Variants in AUTS2 observed in about 807,000 individuals in gnomAD.
AUTS2 encodes activator of transcription and developmental regulator AUTS2.
In AUTS2, 17 loss-of-function variants were observed where a neutral mutation model predicts 112.4. The observed-to-expected ratio is 0.15, with a 90% CI of 0.10 to 0.23. The LOEUF is 0.23. AUTS2 is among the 10% of genes least tolerant of loss of function. AUTS2 has a pLI of 1.00. For missense variants in AUTS2, 1,510 were observed against 1,701.6 expected (o/e 0.89, Z 1.98); for synonymous variants, 751 against 702.7 (o/e 1.07, Z -1.09).
At chr7:70,644,048 G>A (rs563850865) in intron 5 of AUTS2, among the ~76,000 whole-genome samples, 1 of 152,248 alleles carries the variant, frequency 6.6e-6, no homozygotes, top group South Asian at 2.1e-4. Context: ...GAGGCTGCTG[G>A]TCTAGACGAC....
At chr7:70,543,533 A>G (rs1233979884) in intron 5 of AUTS2, among the ~76,000 whole-genome samples, 6 of 100,070 alleles carry the variant, frequency 6.0e-5, no homozygotes, top group African/African-American at 1.3e-4. Context: ...CATCTTGGGA[A>G]AAAAAAAAAA....
rs548629728 is a variant in AUTS2, at chr7:70,033,051, G to A, written c.523-85081G>A. 1.6e-4 allele frequency among the ~76,000 whole-genome samples: 24 copies of A among 152,174 alleles called. No homozygotes were observed. The South Asian group carries it at 5.0e-3, about 32-fold the overall frequency. On this transcript the variant is annotated intron_variant, in intron 2 of 18. Transcript: ENST00000342771. The stretch of plus-strand genomic sequence containing the variant: ...AGGGGTGAAACATGAGAGGGATAGG[G>A]AGTAACTGCTGATAGGTACAGAGTT...
chr7:69,845,534 C>T (rs1369098408), intron 1 of AUTS2, among the ~76,000 whole-genome samples: 1 of 152,154 alleles, frequency 6.6e-6, no homozygotes, highest in Non-Finnish European at 1.5e-5. Context: ...CATGTCTTCC[C>T]TGGACTTTAG....
At chr7:69,884,504 A>T (rs911152773) in intron 1 of AUTS2, among the ~76,000 whole-genome samples, 2 of 152,204 alleles carry the variant, frequency 1.3e-5, no homozygotes, top group African/African-American at 4.8e-5. Flanking sequence ...TTACCCTGTA[A>T]TCATGTCTCT....
chr7:70,427,047 C>A (rs938350240), intron 4 of AUTS2, among the ~76,000 whole-genome samples: 1 of 152,140 alleles, frequency 6.6e-6, no homozygotes, highest in Non-Finnish European at 1.5e-5. Context: ...AAGGGAAAAT[C>A]GCCCCATTAC....
intron 6 of AUTS2, among the ~76,000 whole-genome samples, chr7:70,723,183 T>C (rs1786800512): frequency 2.6e-5 from 4 of 152,242 alleles, no homozygotes; most frequent in Admixed American, 2.6e-4. Flanking sequence ...AACTCCTGAC[T>C]GAAAGCTTCT....
chr7:70,585,745 C>T (rs1289529849), intron 5 of AUTS2, among the ~76,000 whole-genome samples: 9 of 151,936 alleles, frequency 5.9e-5, no homozygotes, highest in South Asian at 2.1e-4. Context: ...TGGTTCAAGG[C>T]GAATAACCCC....
At chr7:70,234,179 T>G (rs964368498) in intron 4 of AUTS2, among the ~76,000 whole-genome samples, 1 of 152,182 alleles carries the variant, frequency 6.6e-6, no homozygotes, top group African/African-American at 2.4e-5. Context: ...TTGATCATTA[T>G]TATATGGTAA....
intron 2 of AUTS2, among the ~76,000 whole-genome samples, chr7:70,053,414 C>T (rs1801841348): frequency 6.6e-6 from 1 of 152,152 alleles, no homozygotes; most frequent in South Asian, 2.1e-4. Flanking sequence ...CTGGGCCAGG[C>T]ACCAAAGTGA....
intron 1 of AUTS2, among the ~76,000 whole-genome samples, chr7:69,745,801 G>A (rs1241124053): frequency 1.3e-5 from 2 of 152,144 alleles, no homozygotes; most frequent in Admixed American, 6.6e-5. Flanking sequence ...TGAGTATTCT[G>A]TGTGGGTTTA....
chr7:70,690,571 T>G (rs773411296), intron 5 of AUTS2, among the ~76,000 whole-genome samples: 2 of 152,244 alleles, frequency 1.3e-5, no homozygotes, highest in Non-Finnish European at 2.9e-5. Flanking sequence ...AACAGAAGAC[T>G]ATAATTTGTA....
At chr7:70,593,491 G>A (rs530574610) in intron 5 of AUTS2, among the ~76,000 whole-genome samples, 1 of 152,062 alleles carries the variant, frequency 6.6e-6, no homozygotes, top group Non-Finnish European at 1.5e-5. Context: ...CATACACCTT[G>A]GAGAACAGGC....
intron 4 of AUTS2, among the ~76,000 whole-genome samples, chr7:70,164,120 AAT>A (rs1262378224): frequency 6.6e-6 from 1 of 152,206 alleles, no homozygotes; most frequent in African/African-American, 2.4e-5. Flanking sequence ...CAAAAAATAA[AAT>A]AAACTTTCAT....
At chr7:70,752,414 A>C (rs1170846181) in intron 6 of AUTS2, among the ~76,000 whole-genome samples, 2 of 152,138 alleles carry the variant, frequency 1.3e-5, no homozygotes, top group African/African-American at 4.8e-5. Context: ...GATTCAGCTG[A>C]TATTGGCCTA....
At chr7:70,454,363 C>T (rs1026986588) in intron 5 of AUTS2, among the ~76,000 whole-genome samples, 5 of 151,986 alleles carry the variant, frequency 3.3e-5, no homozygotes, top group Non-Finnish European at 7.4e-5. Context: ...GGTGAAACCC[C>T]GTCTCTACTA....
At chr7:69,750,714 G>A (rs923046585) in intron 1 of AUTS2, among the ~76,000 whole-genome samples, 1 of 151,980 alleles carries the variant, frequency 6.6e-6, no homozygotes, top group Non-Finnish European at 1.5e-5. Flanking sequence ...GGGTTTATAG[G>A]CATGAGCCAC....
rs539075491 is a variant in AUTS2 at position 70,790,700 on chromosome 7, T to C, written c.3484T>C (p.Tyr1162His). ...RERLHMLRED[Y>H]EHTRLHSVHP... The stretch of plus-strand genomic sequence containing the variant: ...GCGCTTGCACATGCTCAGAGAAGAC[T>C]ACGAGCACACGCGGCTCCACTCCGT... The change falls in exon 19 of 19, where the codon TAC becomes CAC. Residue 1162 changes from tyrosine to histidine, a missense_variant. This residue lies in a region of AUTS2 where 788 missense variants were observed against 797.6 expected (regional missense o/e 0.99). Transcript: ENST00000342771. The surrounding 1 kb of genome is among the most constrained non-coding windows in gnomAD (Gnocchi z 7.6). The C allele has an allele frequency of 1.9e-6, 3 of 1,613,424 alleles. No homozygotes were observed. The highest frequency in any genetic ancestry group is 2.5e-6 in the Non-Finnish European group (3 of 1,179,946).
At chr7:69,807,277 G>A (rs567822681) in intron 1 of AUTS2, among the ~76,000 whole-genome samples, 36 of 152,206 alleles carry the variant, frequency 2.4e-4, no homozygotes, top group Admixed American at 3.9e-4. Flanking sequence ...ATCCAGATTT[G>A]TTGAGTGTAT....
At chr7:70,411,561 T>A (rs2130465129) in intron 4 of AUTS2, among the ~76,000 whole-genome samples, 1 of 152,214 alleles carries the variant, frequency 6.6e-6, no homozygotes, top group Middle Eastern at 3.4e-3. Context: ...GCTTGCCTGG[T>A]CACATTTAAA....
Sources: gnomAD v4.1 joint callset for allele counts (sites outside exome capture counted in the v4.1 genomes callset) on GRCh38, gnomAD v4.1.1 for gene constraint, gnomAD v4.1.1 regional missense constraint, Gnocchi (gnomAD v3.1) non-coding constraint, MANE v1.5 for transcripts, NCBI Gene and HGNC (gene_info 2026-07-23, HGNC 2026-07-21) for gene names.